Variants in RGS22 observed in about 807,000 individuals in gnomAD.
The protein encoded by RGS22 is regulator of G-protein signaling 22.
RGS22 carries 148 observed loss-of-function variants against 172.9 expected under a neutral mutation model. The ratio of observed to expected loss-of-function variants is 0.86; its 90% CI spans 0.75 to 0.98. The LOEUF (loss-of-function observed/expected upper bound fraction) is 0.98. Ranked by LOEUF, RGS22 falls within the 50% of genes least tolerant of loss-of-function variation. The pLI is 0.00. For synonymous variants in RGS22, 458 were observed against 480.2 expected (o/e 0.95, Z 0.60); for missense variants, 1,347 against 1,440.8 (o/e 0.93, Z 1.05).
chr8:100,093,829 A>C (rs978815259), intron 2 of RGS22, among the ~76,000 whole-genome samples: 2 of 152,202 alleles, frequency 1.3e-5, no homozygotes, highest in Non-Finnish European at 2.9e-5. Context: ...ACAAAATAAT[A>C]CCACCACATG....
intron 2 of RGS22, 98 bp from the exon 3 acceptor site, chr8:100,093,607 G>T: frequency 1.3e-6 from 1 of 791,418 alleles, no homozygotes; most frequent in Non-Finnish European, 2.1e-6. Flanking sequence ...TTATCACATA[G>T]ATCTTCAAAT....
chr8:100,054,802 T>A (rs1016996996), intron 9 of RGS22, among the ~76,000 whole-genome samples: 5 of 152,134 alleles, frequency 3.3e-5, no homozygotes, highest in Non-Finnish European at 7.4e-5. Context: ...CTTATTTGCA[T>A]GTCAACCAGT....
chr8:100,100,291 A>ATTTTT (rs764067983), intron 2 of RGS22, among the ~76,000 whole-genome samples: 14 of 136,992 alleles, frequency 1.0e-4, no homozygotes, highest in African/African-American at 3.3e-4. Context: ...TTTTTTTCTG[A>ATTTTT]TTTTTTTTTT....
rs527690144 is a variant in RGS22, at chr8:99,967,562, T to A, written c.3520-2132A>T. ...TTGGTAGGGGGAGGGGCGTCTGCCA[T>A]TACTGAGACTTGAGTAGGCAGTTCT... is the stretch of plus-strand genomic sequence containing the variant. On this transcript the variant is annotated intron_variant, in intron 23 of 27. Transcript: ENST00000360863. 6.6e-5 allele frequency among the ~76,000 whole-genome samples: 10 copies of A among 152,250 alleles called. No individual in the cohort carries two copies. In the East Asian group the frequency reaches 1.9e-3, roughly 29 times the overall value.
chr8:100,099,825 CCT>C (rs1009001052), intron 2 of RGS22, among the ~76,000 whole-genome samples: 2 of 152,192 alleles, frequency 1.3e-5, no homozygotes, highest in Non-Finnish European at 2.9e-5. Flanking sequence ...AGCTCTGCAA[CCT>C]CTTAAAGAAA....
intron 11 of RGS22, among the ~76,000 whole-genome samples, chr8:100,044,203 G>A (rs1458140420): frequency 2.0e-5 from 3 of 152,100 alleles, no homozygotes; most frequent in Non-Finnish European, 4.4e-5. Context: ...ATTAGAAGGG[G>A]AGGGGACACT....
chr8:99,975,016 T>G (rs193205339), intron 23 of RGS22, among the ~76,000 whole-genome samples: 5 of 151,914 alleles, frequency 3.3e-5, no homozygotes, highest in Admixed American at 3.3e-4. Context: ...CGTGGTGGTA[T>G]GCACCTTTAA....
intron 9 of RGS22, among the ~76,000 whole-genome samples, chr8:100,058,199 A>AGCATGC (rs1387911018): frequency 1.3e-5 from 2 of 151,970 alleles, no homozygotes; most frequent in Non-Finnish European, 2.9e-5. Context: ...ACAACAATAA[A>AGCATGC]GCATGCCTAA....
chr8:100,105,819 G>T (rs570499640), intron 1 of RGS22, 78 bp downstream of exon 1: 1 of 1,294,626 alleles, frequency 7.7e-7, no homozygotes. Flanking sequence ...AGGGCAGGAG[G>T]TAAAGTCCAG....
rs536108222 is a variant in RGS22, at chr8:100,046,884, T to C, written c.1823+579A>G. Among the ~76,000 whole-genome samples, 139 of 152,100 alleles carry C rather than the reference T, an allele frequency of 9.1e-4. No individual in the cohort carries two copies. In the Middle Eastern group the frequency reaches 0.01, roughly 11 times the overall value. On this transcript the variant is annotated intron_variant, in intron 11 of 27. Coordinates refer to ENST00000360863, the MANE Select transcript of RGS22 (RefSeq NM_015668.5). ...AGGCTAGAGTGCAGTGAAATGACCT[T>C]GGCTCACTGCAACTCTGCCTCCCGG...
At chr8:100,104,327 T>A (rs1378793765) in intron 2 of RGS22, among the ~76,000 whole-genome samples, 1 of 90,906 alleles carries the variant, frequency 1.1e-5, no homozygotes, top group Non-Finnish European at 2.4e-5. Context: ...TCAAAATATG[T>A]GCGTGTGTGT....
At chr8:100,016,131 A>T (rs11778384) in intron 14 of RGS22, among the ~76,000 whole-genome samples, 21,248 of 152,256 alleles carry the variant, frequency 0.14, 1,976 homozygotes, top group Non-Finnish European at 0.21. Flanking sequence ...GCTGAAAATA[A>T]CGCAAAGAAA....
chr8:100,039,272 AGTATTCTAGTTAACAG>A lies in RGS22; in HGVS notation c.2065-256_2065-241del, dbSNP rs879747882. Among the ~76,000 whole-genome samples the A allele has an allele frequency of 7.3e-3, 1,105 of 152,290 alleles. 7 individuals carry two copies. Among genetic ancestry groups the A allele is most frequent in the Admixed American group, 0.018 (272 of 15,284 alleles). Reference sequence around the variant, plus strand: ...CACATAATTAGTCATTAAAATGGTAAGTATTCTAGTTAACAGTTAAAGAGTAGCCATGTATTTTGAT... The same window carrying A: ...CACATAATTAGTCATTAAAATGGTAATTAAAGAGTAGCCATGTATTTTGAT... On this transcript the variant is annotated intron_variant, in intron 13 of 27. Transcript: ENST00000360863.
rs1372599410 is a variant in RGS22, at chr8:99,962,866, G to C, written c.3709+19C>G. 6.3e-7 allele frequency: 1 copy of C among 1,584,142 alleles called. No individual in the cohort carries two copies. The highest frequency in any genetic ancestry group is 8.5e-7 in the Non-Finnish European group (1 of 1,172,014). The stretch of plus-strand genomic sequence containing the variant: ...TAAAAGATAAAAAAGTAAACTTGTA[G>C]GCAGAAGGCAAAAATTACCTGCAAA... On this transcript the variant is annotated intron_variant, in intron 25 of 27. Transcript: ENST00000360863.
chr8:100,006,151 C>G (rs760838214), intron 15 of RGS22, 42 bp from the exon 16 acceptor site: 30 of 1,517,804 alleles, frequency 2.0e-5, no homozygotes, highest in Non-Finnish European at 2.4e-5. Flanking sequence ...AGAGAATGTA[C>G]AATTTGCTAG....
At chr8:100,034,537 T>A (rs1819224378) in intron 14 of RGS22, among the ~76,000 whole-genome samples, 1 of 152,196 alleles carries the variant, frequency 6.6e-6, no homozygotes, top group Non-Finnish European at 1.5e-5. Context: ...ATGGCCATAC[T>A]GTCCAAGGTA....
Position 99,962,738 on chromosome 8 carries a change from T to C in RGS22, c.3739A>G (p.Ser1247Gly), listed in dbSNP as rs1371144873. The C allele has an allele frequency of 1.2e-6, 2 of 1,612,052 alleles. No homozygotes were observed. Among genetic ancestry groups the C allele is most frequent in the South Asian group, 1.1e-5 (1 of 90,434 alleles). Reference protein sequence around the residue: ...GLQPLTNFKASSSTMSLKKNM... With the variant: ...GLQPLTNFKAGSSTMSLKKNM... ...TTTTTCAAAGACATAGTTGAAGAGC[T>C]AGCCTTAAAATTTGTGAGAGGTTGC... is the stretch of plus-strand genomic sequence containing the variant. The change falls in exon 26 of 28, where the codon AGC (serine) becomes GGC (glycine). Residue 1247 changes from serine (S) to glycine (G), a missense_variant. Coordinates refer to ENST00000360863, the MANE Select transcript of RGS22 (RefSeq NM_015668.5).
At chr8:100,072,275 A>C in intron 4 of RGS22, 45 bp from the exon 5 acceptor site, 1 of 1,264,732 alleles carries the variant, frequency 7.9e-7, no homozygotes, top group Non-Finnish European at 1.1e-6. Context: ...AGAGAAAATC[A>C]CTTTTAGGAT....
At chr8:100,085,127 G>A (rs979766594) in intron 3 of RGS22, among the ~76,000 whole-genome samples, 2 of 152,088 alleles carry the variant, frequency 1.3e-5, no homozygotes, top group East Asian at 1.9e-4. Context: ...TAGATAAACC[G>A]AAGGTGCTTT....
Sources: allele counts gnomAD v4.1 joint callset (sites outside exome capture counted in the v4.1 genomes callset), GRCh38; gene constraint gnomAD v4.1.1; transcripts MANE v1.5; gene names NCBI Gene and HGNC (gene_info 2026-07-23, HGNC 2026-07-21).